Variants in DMXL1 observed in about 807,000 individuals in gnomAD.
DMXL1 encodes Dmx like 1, also known as dmX-like protein 1.
Under a neutral mutation model 319.2 loss-of-function variants are expected in DMXL1, and 99 were observed. That is an observed-to-expected ratio of 0.31 (90% CI 0.26 to 0.37). The LOEUF (loss-of-function observed/expected upper bound fraction) is 0.37, where lower values mean the gene tolerates loss of function less well. Among genes scored for constraint, DMXL1 ranks in the 10% least tolerant of loss-of-function variants. The probability of loss-of-function intolerance (pLI) is 1.00; values close to 1 mark genes in which losing one functional copy is unlikely to be tolerated. For missense variants in DMXL1, 3,745 were observed against 3,595.6 expected, an observed-to-expected ratio of 1.04 and a Z score of -1.06; for synonymous variants, 1,385 against 1,235.2, an observed-to-expected ratio of 1.12 and a Z score of -2.54.
In DMXL1 at chr5:119,165,283, A is replaced by AG; in HGVS notation, c.4970+5dup. On this transcript the variant is annotated splice_donor_region_variant and intron_variant, in intron 21 of 43. Coordinates refer to ENST00000539542, the MANE Select transcript of DMXL1 (RefSeq NM_001290321.3). ...GCTGTGATTTGGGGATTATATAGGTAGGTAAAAAAAAAAAAAAAAAAGGGT... is the reference window on the plus strand; with the variant it reads ...GCTGTGATTTGGGGATTATATAGGTAGGGTAAAAAAAAAAAAAAAAAAGGGT... The AG allele has an allele frequency of 8.3e-7, 1 of 1,201,288 alleles. No homozygotes were observed. The highest frequency in any genetic ancestry group is 1.2e-6 in the Non-Finnish European group (1 of 850,242). 74.4% of individuals were successfully genotyped at this position (1,201,288 alleles called of 1,614,324 possible). A position where few individuals can be genotyped will look rare whatever the true frequency, so the allele number is the denominator to read the frequency against.
intron 25 of DMXL1, among the ~76,000 whole-genome samples, 194 bp downstream of exon 25, chr5:119,172,163 C>T (rs545675809): frequency 6.6e-6 from 1 of 152,212 alleles, no homozygotes; most frequent in South Asian, 2.1e-4. Context: ...ATGTTACTTA[C>T]ACCCGGTAGA....
chr5:119,231,525 T>A (rs950723081), intron 38 of DMXL1, among the ~76,000 whole-genome samples: 4 of 152,150 alleles, frequency 2.6e-5, no homozygotes, highest in Non-Finnish European at 2.9e-5. Flanking sequence ...TACCAGGAGG[T>A]AACTGTGCCT....
chr5:119,088,123 G>A (rs921865984), intron 1 of DMXL1, among the ~76,000 whole-genome samples: 1 of 152,140 alleles, frequency 6.6e-6, no homozygotes, highest in African/African-American at 2.4e-5. Context: ...ATATGCTTGA[G>A]AGCTCTGGTG....
In DMXL1 at chr5:119,170,948, G is replaced by A. The variant is rs1774422233; in HGVS notation, c.6157G>A (p.Gly2053Arg). 1.9e-6 allele frequency: 3 copies of A among 1,613,712 alleles called. No individual in the cohort carries two copies. In the East Asian group the frequency reaches 6.7e-5, roughly 36 times the overall value. The change falls in exon 24 of 44, where the codon GGA becomes AGA. Residue 2053 changes from glycine to arginine, a missense_variant. By Grantham distance (125) the Gly-to-Arg change is moderately radical. This residue lies in a region of DMXL1 where 1,382 missense variants were observed against 1,269.5 expected (regional missense o/e 1.09). Transcript: ENST00000539542. ...TLSTGYEIDGGKLRYQLYHWL... is the reference protein window; with the variant it reads ...TLSTGYEIDGRKLRYQLYHWL... ...ATCTACTGGCTATGAAATAGATGGTGGAAAATTGCGTTACCAACTATACCA... is the reference window on the plus strand; with the variant it reads ...ATCTACTGGCTATGAAATAGATGGTAGAAAATTGCGTTACCAACTATACCA...
intron 32 of DMXL1, among the ~76,000 whole-genome samples, chr5:119,202,883 T>TTATATATATATATATA (rs201634842): frequency 9.8e-5 from 7 of 71,530 alleles, no homozygotes; most frequent in African/African-American, 2.8e-4. Flanking sequence ...ATATATATAT[T>TTATATATATATATATA]TTTATATATA....
intron 40 of DMXL1, among the ~76,000 whole-genome samples, chr5:119,237,641 C>T (rs778603390): frequency 1.3e-5 from 2 of 151,990 alleles, no homozygotes; most frequent in Non-Finnish European, 2.9e-5. Context: ...ATAGAAGCAA[C>T]ATGATACCCC....
intron 4 of DMXL1, among the ~76,000 whole-genome samples, chr5:119,107,915 A>G (rs776053949): frequency 2.0e-5 from 3 of 152,194 alleles, no homozygotes; most frequent in Non-Finnish European, 4.4e-5. Context: ...CAACAACTGT[A>G]TTTAAACCTC....
intron 13 of DMXL1, 119 bp downstream of exon 13, chr5:119,134,508 G>T: frequency 7.8e-6 from 7 of 898,404 alleles, no homozygotes; most frequent in East Asian, 2.7e-5. Flanking sequence ...TTGTATCTTT[G>T]TTTTATTTTT....
intron 38 of DMXL1, among the ~76,000 whole-genome samples, chr5:119,229,102 C>G (rs1045450945): frequency 6.7e-6 from 1 of 148,452 alleles, no homozygotes; most frequent in Non-Finnish European, 1.5e-5. Flanking sequence ...ATAGCTTGAG[C>G]CCAGGAGTTC....
chr5:119,189,668 A>G, intron 28 of DMXL1, 40 bp from the exon 29 acceptor site: 1 of 1,587,654 alleles, frequency 6.3e-7, no homozygotes, highest in Non-Finnish European at 8.6e-7. Context: ...AAATGCAATG[A>G]AAATAGTACT....
rs1388686900 is a variant in DMXL1, at chr5:119,150,197, A to G, written c.4370A>G (p.His1457Arg). 1 of 1,613,798 alleles carries G rather than the reference A, an allele frequency of 6.2e-7. No homozygotes were observed. The highest frequency in any genetic ancestry group is 1.7e-5 in the Admixed American group (1 of 59,968). Residue 1457 changes from histidine to arginine, a missense_variant, in exon 18 of 44, where the codon CAT (histidine) becomes CGT (arginine). By Grantham distance (29) the His-to-Arg change is conservative. Transcript: ENST00000539542. ...ACTCAACTTCTAATGACTGATACTC[A>G]TATGTTAGAGACAGATGAAGAAAAT... ...FQTQLLMTDT[H>R]MLETDEENTK...
chr5:119,224,232 A>G (rs1036483555), intron 37 of DMXL1, among the ~76,000 whole-genome samples: 16 of 152,140 alleles, frequency 1.1e-4, no homozygotes, highest in African/African-American at 3.9e-4. Context: ...AATGTTCTAT[A>G]AATTTTTCCT....
chr5:119,154,151 C>T (rs773237591), intron 19 of DMXL1, among the ~76,000 whole-genome samples: 1 of 152,156 alleles, frequency 6.6e-6, no homozygotes, highest in Non-Finnish European at 1.5e-5. Context: ...TGAGACATAA[C>T]AATATAGAAA....
intron 36 of DMXL1, 70 bp from the exon 37 acceptor site, chr5:119,220,870 T>G: frequency 6.5e-7 from 1 of 1,543,086 alleles, no homozygotes; most frequent in South Asian, 1.2e-5. Context: ...AATTCAAATT[T>G]TAGACCTTTC....
intron 2 of DMXL1, among the ~76,000 whole-genome samples, chr5:119,098,582 A>G (rs1254330186): frequency 6.6e-6 from 1 of 152,216 alleles, no homozygotes; most frequent in Non-Finnish European, 1.5e-5. Context: ...GAAAAGTGAA[A>G]AACTTTATCT....
chr5:119,231,377 C>T (rs1355332690), intron 38 of DMXL1, among the ~76,000 whole-genome samples: 1 of 152,108 alleles, frequency 6.6e-6, no homozygotes, highest in East Asian at 1.9e-4. Context: ...AGGCCTCTGA[C>T]TGGACCCAAT....
chr5:119,136,915 G>A (rs1766128489), intron 13 of DMXL1, among the ~76,000 whole-genome samples: 1 of 152,282 alleles, frequency 6.6e-6, no homozygotes, highest in Admixed American at 6.5e-5. Context: ...AGAAAGTGGA[G>A]TTGGAGCGTC....
intron 2 of DMXL1, among the ~76,000 whole-genome samples, chr5:119,098,948 C>T (rs1290929841): frequency 6.6e-6 from 1 of 152,128 alleles, no homozygotes. Flanking sequence ...TTGAGGTAAA[C>T]TTTCTAGGAT....
At position 119,149,435 on chromosome 5, in the gene DMXL1, T is replaced by C. The variant is rs1252624858; in HGVS notation, c.3608T>C (p.Val1203Ala). 2 of 1,613,980 alleles carry C rather than the reference T, an allele frequency of 1.2e-6. No individual in the cohort carries two copies. The highest frequency in any genetic ancestry group is 1.7e-6 in the Non-Finnish European group (2 of 1,179,896). The change falls in exon 18 of 44, where the codon GTG becomes GCG. Residue 1203 changes from valine to alanine, a missense_variant. This residue lies in a region of DMXL1 where 2,096 missense variants were observed against 1,985.4 expected (regional missense o/e 1.06). Transcript: ENST00000539542. ...PLSKFVLLRSVDLVSSVDGSP... is the reference protein window; with the variant it reads ...PLSKFVLLRSADLVSSVDGSP... ...TCTAAATTTGTACTATTACGAAGTG[T>C]GGACCTAGTTTCTTCTGTAGATGGC...
Sources: allele counts gnomAD v4.1 joint callset (sites outside exome capture counted in the v4.1 genomes callset), GRCh38; gene constraint gnomAD v4.1.1; regional missense constraint gnomAD v4.1.1; transcripts MANE v1.5; gene names NCBI Gene and HGNC (gene_info 2026-07-23, HGNC 2026-07-21).